The following SPNS3 variants were observed in gnomAD, a reference collection of about 807,000 sequenced individuals.
SPNS3 encodes the protein protein spinster homolog 3.
SPNS3 carries 51 observed loss-of-function variants against 54.4 expected under a neutral mutation model. The ratio of observed to expected loss-of-function variants is 0.94; its 90% CI spans 0.75 to 1.18. The LOEUF is 1.18. SPNS3 is among the 50% of genes most tolerant of loss of function. The probability of loss-of-function intolerance (pLI) is 0.00; values close to 1 mark genes in which losing one functional copy is unlikely to be tolerated. For missense variants in SPNS3, 669 were observed against 677.4 expected, an observed-to-expected ratio of 0.99 and a Z score of 0.14; for synonymous variants, 309 against 294.7, an observed-to-expected ratio of 1.05 and a Z score of -0.50.
intron 8 of SPNS3, among the ~76,000 whole-genome samples, chr17:4,459,213 G>A (rs1406727265): frequency 6.6e-6 from 1 of 152,108 alleles, no homozygotes; most frequent in African/African-American, 2.4e-5. Flanking sequence ...TCCCAGCCCT[G>A]TCTGTGAGTT....
At chr17:4,460,607 A>AT (rs60134022) in intron 8 of SPNS3, among the ~76,000 whole-genome samples, 18,446 of 121,608 alleles carry the variant, frequency 0.15, 1,312 homozygotes, top group Middle Eastern at 0.26. Flanking sequence ...AATTTTTTGT[A>AT]TTTTTTTTTT....
intron 8 of SPNS3, among the ~76,000 whole-genome samples, chr17:4,477,192 G>A (rs1304055236): frequency 6.6e-6 from 1 of 152,262 alleles, no homozygotes; most frequent in African/African-American, 2.4e-5. Flanking sequence ...TCACCAGGAC[G>A]TGGCTTGATG....
intron 2 of SPNS3, among the ~76,000 whole-genome samples, chr17:4,442,878 A>G (rs1410816729): frequency 6.6e-6 from 1 of 152,044 alleles, no homozygotes; most frequent in African/African-American, 2.4e-5. Context: ...GGGAGCATTC[A>G]TTTCACCCAC....
At position 4,486,581 on chromosome 17, in the gene SPNS3, C is replaced by G. The variant is rs1219179962; in HGVS notation, c.1448C>G (p.Thr483Arg). The G allele has an allele frequency of 1.2e-6, 2 of 1,611,310 alleles. No homozygotes were observed. Among genetic ancestry groups the G allele is most frequent in the Non-Finnish European group, 1.7e-6 (2 of 1,178,792 alleles). ...GAGACCCGGGCCTGGCAGCCTGTCACAGGTACCCTACCCATTGCACCAGGC... is the reference window on the plus strand; with the variant it reads ...GAGACCCGGGCCTGGCAGCCTGTCAGAGGTACCCTACCCATTGCACCAGGC... ...RDETRAWQPV[T>R]GTPDSNDVDS... The change falls in exon 11 of 12, where the codon ACA (threonine) becomes AGA (arginine). Residue 483 changes from threonine (T) to arginine (R), a missense_variant and splice_region_variant. Thr to Arg is a moderately conservative substitution (Grantham distance 71). Coordinates refer to ENST00000355530, the MANE Select transcript of SPNS3 (RefSeq NM_182538.5). The surrounding 1 kb of genome is among the most constrained non-coding windows in gnomAD (Gnocchi z 5.5).
At chr17:4,441,937 G>A (rs992116649) in intron 2 of SPNS3, among the ~76,000 whole-genome samples, 24 of 147,964 alleles carry the variant, frequency 1.6e-4, no homozygotes, top group Admixed American at 1.2e-3. Flanking sequence ...GGTTCTTACC[G>A]TAGTGGTCAA....
At chr17:4,457,741 C>A (rs977573835) in intron 8 of SPNS3, among the ~76,000 whole-genome samples, 1 of 146,808 alleles carries the variant, frequency 6.8e-6, no homozygotes, top group South Asian at 2.2e-4. Context: ...GACACAGCTG[C>A]CCCCCCCTCA....
At chr17:4,473,818 C>T (rs1398774280) in intron 8 of SPNS3, among the ~76,000 whole-genome samples, 1 of 152,176 alleles carries the variant, frequency 6.6e-6, no homozygotes. Context: ...CCATAGCTGT[C>T]ATCAAGGGTC....
chr17:4,458,340 CCTCTCTCCCTTCCTCTCCCTCT>C (rs1597321600), intron 8 of SPNS3, among the ~76,000 whole-genome samples: 1 of 150,452 alleles, frequency 6.6e-6, no homozygotes, highest in Non-Finnish European at 1.5e-5. Context: ...TCCCTCCCTC[CCTCTCTCCCTTCCTCTCCCTCT>C]CTCTCTCCCT....
intron 8 of SPNS3, among the ~76,000 whole-genome samples, chr17:4,468,751 T>TTCTTTCTTTCTC (rs1555531892): frequency 7.0e-6 from 1 of 143,516 alleles, no homozygotes; most frequent in Non-Finnish European, 1.5e-5. Flanking sequence ...CTTTCTTTCT[T>TTCTTTCTTTCTC]TCTTTCTTTC....
rs1972327566 is a variant in SPNS3, at chr17:4,486,680, A to G, written c.1450+97A>G. ...GAATCCCTGGCCAGTTTGTTTGTTC[A>G]TTCATCCAGAAATGCTTAGTACACC... On this transcript the variant is annotated intron_variant, in intron 11 of 11. Transcript: ENST00000355530. This position sits in a 1 kb window ranked among gnomAD's most constrained non-coding sequence, Gnocchi z 5.5. The G allele has an allele frequency of 1.5e-6, 2 of 1,322,200 alleles. No homozygotes were observed. The highest frequency in any genetic ancestry group is 2.6e-4 in the Middle Eastern group (1 of 3,800). The allele number at this position is 1,322,200 out of a possible 1,614,324, so 81.9% of individuals were successfully genotyped here.
In SPNS3 at chr17:4,447,955, C is replaced by G. The variant is rs148884637; in HGVS notation, c.622-200C>G. ...AAAGAGTCTCCACTCCCTGGAAAGG[C>G]TGCAGTGGTGAGGGCTGAGAAACAG... On this transcript the variant is annotated intron_variant, in intron 5 of 11. Coordinates refer to ENST00000355530, the MANE Select transcript of SPNS3 (RefSeq NM_182538.5). Among the ~76,000 whole-genome samples the G allele has an allele frequency of 1.6e-3, 242 of 152,280 alleles. 2 individuals are homozygous for G. The highest frequency in any genetic ancestry group is 5.5e-3 in the African/African-American group (227 of 41,566).
rs928750592 is a variant in SPNS3, at chr17:4,488,180, A to C, written c.*286A>C. On this transcript the variant is annotated 3_prime_UTR_variant, in exon 12 of 12. Transcript: ENST00000355530. ...GCCCTGAATAAAGAGAGGCCAGTAC[A>C]AAGCCCATGGATTTTGGGCCTGTAG... The C allele has an allele frequency of 8.9e-6, 4 of 450,804 alleles. No individual in the cohort carries two copies. The highest frequency in any genetic ancestry group is 7.5e-5 in the Admixed American group (2 of 26,606). 27.9% of individuals were successfully genotyped at this position (450,804 alleles called of 1,614,324 possible).
intron 8 of SPNS3, among the ~76,000 whole-genome samples, chr17:4,463,655 C>T (rs1445213083): frequency 6.6e-6 from 1 of 150,880 alleles, no homozygotes; most frequent in African/African-American, 2.4e-5. Context: ...AGGAGAGTTG[C>T]TTGAACCCGG....
chr17:4,478,498 A>G, intron 8 of SPNS3, 74 bp from the exon 9 acceptor site: 1 of 1,379,926 alleles, frequency 7.2e-7, no homozygotes, highest in Non-Finnish European at 1.0e-6. Context: ...TCTCCTCTCC[A>G]CAGGTGGGAA....
At chr17:4,438,128 C>A (rs1166917144) in intron 1 of SPNS3, among the ~76,000 whole-genome samples, 1 of 152,194 alleles carries the variant, frequency 6.6e-6, no homozygotes, top group Non-Finnish European at 1.5e-5. Flanking sequence ...ATCCCTTGAT[C>A]TTCATGTGCA....
chr17:4,433,959 C>A lies in SPNS3; in HGVS notation c.-9C>A. 2 of 1,516,670 alleles carry A rather than the reference C, an allele frequency of 1.3e-6. No individual in the cohort carries two copies. Among genetic ancestry groups the A allele is most frequent in the Non-Finnish European group, 1.8e-6 (2 of 1,132,128 alleles). 94.0% of individuals were successfully genotyped at this position (1,516,670 alleles called of 1,614,324 possible). ...GGCGCCAGTCTCAGGCCAAGAGCTG[C>A]AGGCTGGCATGGCTGGGGGGATGTC... On this transcript the variant is annotated 5_prime_UTR_variant, in exon 1 of 12. Coordinates refer to ENST00000355530, the MANE Select transcript of SPNS3 (RefSeq NM_182538.5).
intron 7 of SPNS3, among the ~76,000 whole-genome samples, 196 bp from the exon 8 acceptor site, chr17:4,452,820 G>A (rs976866306): frequency 6.6e-6 from 1 of 152,060 alleles, no homozygotes; most frequent in African/African-American, 2.4e-5. Context: ...AGAGCAGTGG[G>A]ACATTGGTCC....
In SPNS3 at chr17:4,473,145, A is replaced by G. The variant is rs75198738; in HGVS notation, c.1114-5427A>G. Among the ~76,000 whole-genome samples the G allele has an allele frequency of 4.2e-3, 634 of 152,038 alleles. 2 individuals are homozygous for G. The highest frequency in any genetic ancestry group is 0.014 in the African/African-American group (597 of 41,486). ...TCTTCTTTTCTTTGGTTAAAAAATC[A>G]CTTTTTTCTGGCTTACTGTTTTTTG... On this transcript the variant is annotated intron_variant, in intron 8 of 11. Transcript: ENST00000355530.
chr17:4,458,576 TCTTC>T (rs771251647), intron 8 of SPNS3, among the ~76,000 whole-genome samples: 1 of 95,596 alleles, frequency 1.0e-5, no homozygotes, highest in Non-Finnish European at 2.4e-5. Context: ...CTCCTTTCTT[TCTTC>T]CTTCCCTCCT....
Sources: allele counts gnomAD v4.1 joint callset (sites outside exome capture counted in the v4.1 genomes callset), GRCh38; gene constraint gnomAD v4.1.1; non-coding constraint Gnocchi (gnomAD v3.1); transcripts MANE v1.5; gene names NCBI Gene and HGNC (gene_info 2026-07-23, HGNC 2026-07-21).